Variants in IQCE observed in about 807,000 individuals in gnomAD.
IQCE encodes IQ domain-containing protein E.
Under a neutral mutation model 96.0 loss-of-function variants are expected in IQCE, and 115 were observed. The ratio of observed to expected loss-of-function variants is 1.20; its 90% confidence interval spans 1.03 to 1.40. The LOEUF (loss-of-function observed/expected upper bound fraction) is 1.40, where lower values mean the gene tolerates loss of function less well. Ranked by LOEUF, IQCE falls within the 40% of genes most tolerant of loss-of-function variation. IQCE has a pLI of 0.00. For synonymous variants in IQCE, 412 were observed against 371.2 expected (o/e 1.11, Z -1.26); for missense variants, 1,041 against 909.1 (o/e 1.15, Z -1.87).
chr7:2,571,720 G>C, intron 4 of IQCE, 66 bp downstream of exon 4: 1 of 1,501,172 alleles, frequency 6.7e-7, no homozygotes, highest in Non-Finnish European at 9.0e-7. Flanking sequence ...TTCAGGGAGT[G>C]GTTTGAGATG....
intron 5 of IQCE, among the ~76,000 whole-genome samples, chr7:2,573,135 G>T (rs900265734): frequency 6.6e-6 from 1 of 152,106 alleles, no homozygotes; most frequent in Admixed American, 6.6e-5. Context: ...TCCTCCTTCC[G>T]TGAGTCCCTT....
At chr7:2,578,218 G>A (rs1472099880) in intron 6 of IQCE, 24 bp from the exon 7 acceptor site, 1 of 1,574,560 alleles carries the variant, frequency 6.4e-7, no homozygotes, top group South Asian at 1.1e-5. Context: ...GTGGATGGCT[G>A]TGCATGGCCC....
Position 2,605,975 on chromosome 7 carries a change from C to T in IQCE, c.1843C>T (p.His615Tyr), listed in dbSNP as rs779545718. Residue 615 changes from histidine to tyrosine, a missense_variant, in exon 20 of 22, where the codon CAC (histidine) becomes TAC (tyrosine). His to Tyr is a moderately conservative substitution (Grantham distance 83). Coordinates refer to ENST00000402050, the MANE Select transcript of IQCE (RefSeq NM_152558.5). ...IVIIQSALRAHLARARHSATG... is the reference protein window; with the variant it reads ...IVIIQSALRAYLARARHSATG... Reference sequence around the variant, plus strand: ...CATCATCCAGTCCGCTCTGCGGGCACACCTGGCCCGGGCCAGGCACAGGTG... The same window carrying T: ...CATCATCCAGTCCGCTCTGCGGGCATACCTGGCCCGGGCCAGGCACAGGTG... 3.1e-6 allele frequency: 5 copies of T among 1,609,548 alleles called. No individual in the cohort carries two copies. Among genetic ancestry groups the T allele is most frequent in the Non-Finnish European group, 1.7e-6 (2 of 1,178,648 alleles).
rs754363680 is a variant in IQCE, at chr7:2,605,996, A to G, written c.1864A>G (p.Ser622Gly). 1.3e-5 allele frequency: 21 copies of G among 1,606,622 alleles called. No individual in the cohort carries two copies. Among genetic ancestry groups the G allele is most frequent in the Non-Finnish European group, 1.7e-5 (20 of 1,177,400 alleles). ...GGCACACCTGGCCCGGGCCAGGCACAGGTGAGTCAGGGTCACGGGGACGTG... is the reference window on the plus strand; with the variant it reads ...GGCACACCTGGCCCGGGCCAGGCACGGGTGAGTCAGGGTCACGGGGACGTG... ...LRAHLARARH[S>G]ATGKRTTTAA... Residue 622 changes from serine to glycine, a missense_variant and splice_region_variant, in exon 20 of 22, where the codon AGT (serine) becomes GGT (glycine). By Grantham distance (56) the Ser-to-Gly change is moderately conservative. Coordinates refer to ENST00000402050, the MANE Select transcript of IQCE (RefSeq NM_152558.5).
At chr7:2,602,641 C>G (rs555840991) in intron 18 of IQCE, among the ~76,000 whole-genome samples, 5 of 152,208 alleles carry the variant, frequency 3.3e-5, no homozygotes, top group African/African-American at 1.2e-4. Context: ...GCCGTCAGGG[C>G]GGGGCTTGAC....
chr7:2,606,458 C>CT (rs1465141925), intron 20 of IQCE, among the ~76,000 whole-genome samples: 2 of 152,152 alleles, frequency 1.3e-5, no homozygotes, highest in Non-Finnish European at 2.9e-5. Flanking sequence ...TGCTAGGACT[C>CT]TCGGTTGCAG....
At chr7:2,593,745 G>T (rs779348986) in intron 15 of IQCE, among the ~76,000 whole-genome samples, 3 of 152,254 alleles carry the variant, frequency 2.0e-5, no homozygotes, top group Non-Finnish European at 4.4e-5. Context: ...CTGCTGACGA[G>T]CATGGCTTCC....
intron 8 of IQCE, among the ~76,000 whole-genome samples, chr7:2,579,831 G>C (rs1296727138): frequency 6.6e-6 from 1 of 151,722 alleles, no homozygotes; most frequent in Non-Finnish European, 1.5e-5. Flanking sequence ...GCAGCATTCA[G>C]CTCACGTGAT....
In IQCE at chr7:2,610,461, G is replaced by A; in HGVS notation, c.*299G>A. On this transcript the variant is annotated 3_prime_UTR_variant, in exon 22 of 22. Transcript: ENST00000402050. The stretch of plus-strand genomic sequence containing the variant: ...CTCGCAGATGCCAGGGAGCCCTGTA[G>A]TGACACGTTCTCTGACAGCACCTTG... 1 of 307,668 alleles carries A rather than the reference G, an allele frequency of 3.3e-6. No homozygotes were observed. Among genetic ancestry groups the A allele is most frequent in the Non-Finnish European group, 6.2e-6 (1 of 161,738 alleles). The allele number at this position is 307,668 out of a possible 1,614,324, so 19.1% of individuals were successfully genotyped here. A position where few individuals can be genotyped will look rare whatever the true frequency, so the allele number is the denominator to read the frequency against.
rs1782923311 is a variant in IQCE, at chr7:2,584,241, T to TCGTCTCCAGA, written c.782_791dup (p.Leu265SerfsTer9). On this transcript the variant is annotated frameshift_variant, in exon 11 of 22. Coordinates refer to ENST00000402050, the MANE Select transcript of IQCE (RefSeq NM_152558.5). LOFTEE classifies it high-confidence loss of function. ...TTTCAATTTGGTATTTACAGGTGCA[T>TCGTCTCCAGA]CGTCTCCAGACCCTCTTGGCAAGTT... 6.2e-7 allele frequency: 1 copy of TCGTCTCCAGA among 1,613,764 alleles called. No homozygotes were observed. The highest frequency in any genetic ancestry group is 1.3e-5 in the African/African-American group (1 of 74,932).
intron 14 of IQCE, among the ~76,000 whole-genome samples, chr7:2,592,062 C>T (rs1470447368): frequency 6.6e-6 from 1 of 151,858 alleles, no homozygotes; most frequent in African/African-American, 2.4e-5. Context: ...GCTGGGATTA[C>T]AGGCGTGAGC....
intron 3 of IQCE, 121 bp downstream of exon 3, chr7:2,569,120 C>A: frequency 1.1e-6 from 1 of 897,442 alleles, no homozygotes; most frequent in Non-Finnish European, 1.8e-6. Context: ...GCCAGTTGGC[C>A]CCATTCCCAC....
intron 6 of IQCE, among the ~76,000 whole-genome samples, chr7:2,574,641 C>T (rs1398768217): frequency 2.6e-5 from 4 of 152,184 alleles, no homozygotes; most frequent in African/African-American, 7.2e-5. Flanking sequence ...GGGATTTTCT[C>T]AGTCTCTTGA....
intron 12 of IQCE, 54 bp downstream of exon 12, chr7:2,586,425 CAGGG>C (rs1783121072): frequency 2.6e-6 from 4 of 1,548,484 alleles, no homozygotes; most frequent in Non-Finnish European, 3.5e-6. Flanking sequence ...CAGGGAATGG[CAGGG>C]CATGGCCACT....
chr7:2,593,686 G>A (rs1400476464), intron 15 of IQCE, among the ~76,000 whole-genome samples: 3 of 152,214 alleles, frequency 2.0e-5, no homozygotes, highest in East Asian at 1.9e-4. Flanking sequence ...CAGAACGGGC[G>A]GACCCACGTG....
chr7:2,575,758 C>G (rs558885111), intron 6 of IQCE, among the ~76,000 whole-genome samples: 1 of 152,140 alleles, frequency 6.6e-6, no homozygotes, highest in Non-Finnish European at 1.5e-5. Flanking sequence ...CACCCATTGG[C>G]TTTTTTAGGC....
chr7:2,582,557 T>C (rs1157812343), intron 8 of IQCE, 23 bp from the exon 9 acceptor site: 1 of 1,611,644 alleles, frequency 6.2e-7, no homozygotes, highest in Middle Eastern at 1.7e-4. Context: ...GTGGCCTGCC[T>C]GATGGGCACG....
At chr7:2,605,741 G>A (rs1273987025) in intron 19 of IQCE, 135 bp from the exon 20 acceptor site, 19 of 856,928 alleles carry the variant, frequency 2.2e-5, no homozygotes, top group East Asian at 3.4e-5. Flanking sequence ...AGCAATTCCC[G>A]GGAGGCAGGG....
intron 1 of IQCE, among the ~76,000 whole-genome samples, chr7:2,563,893 CAA>C (rs34269895): frequency 1.8e-4 from 11 of 59,974 alleles, no homozygotes; most frequent in Non-Finnish European, 2.1e-4. Context: ...GACTCCATCT[CAA>C]AAAAAAAAAA....
Sources: allele counts gnomAD v4.1 joint callset (sites outside exome capture counted in the v4.1 genomes callset), GRCh38; gene constraint gnomAD v4.1.1; transcripts MANE v1.5; gene names NCBI Gene and HGNC (gene_info 2026-07-23, HGNC 2026-07-21).